The following SPPL3 variants were observed in gnomAD, a reference collection of about 807,000 sequenced individuals.
SPPL3 encodes the protein signal peptide peptidase-like 3.
In SPPL3, 5 loss-of-function variants were observed where a neutral mutation model predicts 42.4. The ratio of observed to expected loss-of-function variants is 0.12; its 90% CI spans 0.06 to 0.25. The LOEUF is 0.25. Ranked by LOEUF, SPPL3 falls within the 10% of genes least tolerant of loss-of-function variation. The pLI is 1.00. For synonymous variants in SPPL3, 195 were observed against 181.8 expected (o/e 1.07, Z -0.58); for missense variants, 235 against 489.0 (o/e 0.48, Z 4.90).
At chr12:120,788,664 C>G (rs1463305863) in intron 3 of SPPL3, among the ~76,000 whole-genome samples, 1 of 152,180 alleles carries the variant, frequency 6.6e-6, no homozygotes, top group African/African-American at 2.4e-5. Context: ...TCCTGCTCTC[C>G]TATCTCTTTA....
chr12:120,826,782 T>C lies in SPPL3; in HGVS notation c.24-15896A>G, dbSNP rs550861036. ...GTCTTGGAGTTTTCACCTAAGTTTATACCTGGAGTCCTGCTGTCCAGGACT... is the reference window on the plus strand; with the variant it reads ...GTCTTGGAGTTTTCACCTAAGTTTACACCTGGAGTCCTGCTGTCCAGGACT... On this transcript the variant is annotated intron_variant, in intron 1 of 10. Coordinates refer to ENST00000353487, the MANE Select transcript of SPPL3 (RefSeq NM_139015.5). Among the ~76,000 whole-genome samples the C allele has an allele frequency of 3.4e-3, 517 of 152,252 alleles. 3 individuals are homozygous for C. Among genetic ancestry groups the C allele is most frequent in the African/African-American group, 0.012 (499 of 41,552 alleles).
chr12:120,827,417 C>T (rs1841106756), intron 1 of SPPL3, among the ~76,000 whole-genome samples: 1 of 151,512 alleles, frequency 6.6e-6, no homozygotes, highest in South Asian at 2.1e-4. Context: ...TACTGAGTTG[C>T]TAGACTTCAT....
At position 120,862,652 on chromosome 12, in the gene SPPL3, C is replaced by T. The variant is rs117565472; in HGVS notation, c.23+41193G>A. Among the ~76,000 whole-genome samples, 16 of 152,238 alleles carry T rather than the reference C, an allele frequency of 1.1e-4. No individual in the cohort carries two copies. In the East Asian group the frequency reaches 2.7e-3, roughly 26 times the overall value. ...GGAGTATGCAAAGTTTCCATGCCTT[C>T]GGTGGGTGCACTGTCCTCCCAGCAC... On this transcript the variant is annotated intron_variant, in intron 1 of 10. Coordinates refer to ENST00000353487, the MANE Select transcript of SPPL3 (RefSeq NM_139015.5).
chr12:120,819,683 T>C (rs551162746), intron 1 of SPPL3, among the ~76,000 whole-genome samples: 20 of 152,326 alleles, frequency 1.3e-4, no homozygotes, highest in African/African-American at 4.8e-4. Context: ...TACTTTGGAA[T>C]ACAGCAGAAG....
In SPPL3 at chr12:120,866,000, A is replaced by T. The variant is rs372839448; in HGVS notation, c.23+37845T>A. ...GAGGGATCTAGGTTGTGTGCTCCTT[A>T]TGAGAATCTAATGCCCGATGATCTG... On this transcript the variant is annotated intron_variant, in intron 1 of 10. Coordinates refer to ENST00000353487, the MANE Select transcript of SPPL3 (RefSeq NM_139015.5). Among the ~76,000 whole-genome samples, 70 of 152,270 alleles carry T rather than the reference A, an allele frequency of 4.6e-4. 1 individual carries two copies. In the South Asian group the frequency reaches 0.014, roughly 30 times the overall value.
rs1051329779 is a variant in SPPL3, at chr12:120,901,632, A to C, written c.23+2213T>G. Among the ~76,000 whole-genome samples, 61 of 142,716 alleles carry C rather than the reference A, an allele frequency of 4.3e-4. 1 individual carries two copies. Among genetic ancestry groups the C allele is most frequent in the Non-Finnish European group, 1.2e-4 (8 of 65,824 alleles). The allele number at this position is 142,716 out of a possible 152,430, so 93.6% of individuals were successfully genotyped here. A position where few individuals can be genotyped will look rare whatever the true frequency, so the allele number is the denominator to read the frequency against. ...AAAAAGGAAACTGCCCACTTTCCCC[A>C]GTCTCCCCTTATATGCCACCCTCTC... On this transcript the variant is annotated intron_variant, in intron 1 of 10. Coordinates refer to ENST00000353487, the MANE Select transcript of SPPL3 (RefSeq NM_139015.5).
intron 1 of SPPL3, among the ~76,000 whole-genome samples, chr12:120,857,071 G>A (rs1872484440): frequency 6.6e-6 from 1 of 152,154 alleles, no homozygotes; most frequent in African/African-American, 2.4e-5. Context: ...AACAGAGACA[G>A]GAGAAGAAAA....
At chr12:120,793,382 G>C (rs1447237910) in intron 2 of SPPL3, among the ~76,000 whole-genome samples, 2 of 152,184 alleles carry the variant, frequency 1.3e-5, no homozygotes, top group African/African-American at 2.4e-5. Flanking sequence ...TACAGTTTCA[G>C]CTACTCGCCA....
At chr12:120,807,926 T>G (rs1870553781) in intron 2 of SPPL3, among the ~76,000 whole-genome samples, 1 of 142,346 alleles carries the variant, frequency 7.0e-6, no homozygotes, top group Non-Finnish European at 1.6e-5. Flanking sequence ...CATGATTTAC[T>G]TTTTGCAGAA....
At chr12:120,800,149 C>T (rs772351450) in intron 2 of SPPL3, among the ~76,000 whole-genome samples, 2 of 152,104 alleles carry the variant, frequency 1.3e-5, no homozygotes, top group Non-Finnish European at 2.9e-5. Context: ...GTTAATATAA[C>T]GTTATAAATA....
chr12:120,903,905 C>T lies in SPPL3; in HGVS notation c.-38G>A. ...CGTGGGCTCCGCTGCAGGCTGTGGC[C>T]GGGCCCGGCGGCGGCGGGCTCGCTC... On this transcript the variant is annotated 5_prime_UTR_variant, in exon 1 of 11. Coordinates refer to ENST00000353487, the MANE Select transcript of SPPL3 (RefSeq NM_139015.5). The T allele has an allele frequency of 3.0e-6, 4 of 1,341,980 alleles. No individual in the cohort carries two copies. The highest frequency in any genetic ancestry group is 3.1e-5 in the East Asian group (1 of 32,118). The allele number at this position is 1,341,980 out of a possible 1,614,324, so 83.1% of individuals were successfully genotyped here.
At chr12:120,871,130 C>CAACAAAAAAAA (rs1872908009) in intron 1 of SPPL3, among the ~76,000 whole-genome samples, 1 of 51,686 alleles carries the variant, frequency 1.9e-5, no homozygotes, top group East Asian at 1.0e-3. Flanking sequence ...ACTCCGTCTC[C>CAACAAAAAAAA]AAAAAAAAAA....
intron 1 of SPPL3, among the ~76,000 whole-genome samples, chr12:120,858,817 A>G (rs1312304465): frequency 1.3e-5 from 2 of 152,236 alleles, no homozygotes; most frequent in Admixed American, 6.5e-5. Flanking sequence ...AGTCTCTGAC[A>G]GCAACGCTCT....
At chr12:120,877,477 C>T (rs1873140285) in intron 1 of SPPL3, among the ~76,000 whole-genome samples, 1 of 152,140 alleles carries the variant, frequency 6.6e-6, no homozygotes, top group Non-Finnish European at 1.5e-5. Context: ...TCAAACCCTG[C>T]CATACAGAAA....
intron 8 of SPPL3, 100 bp from the exon 9 acceptor site, chr12:120,767,693 TATCTGC>T (rs1284278568): frequency 3.4e-6 from 4 of 1,168,576 alleles, no homozygotes; most frequent in Non-Finnish European, 4.9e-6. Flanking sequence ...TCAAAGAGCT[TATCTGC>T]ATGGCAGATG....
intron 1 of SPPL3, among the ~76,000 whole-genome samples, chr12:120,812,896 T>C (rs1870730293): frequency 6.6e-6 from 1 of 152,192 alleles, no homozygotes; most frequent in African/African-American, 2.4e-5. Flanking sequence ...ACACATTAAA[T>C]ACTCAATTCA....
At chr12:120,801,242 G>A (rs1340202383) in intron 2 of SPPL3, among the ~76,000 whole-genome samples, 1 of 152,184 alleles carries the variant, frequency 6.6e-6, no homozygotes, top group Non-Finnish European at 1.5e-5. Flanking sequence ...TCAGGGCTGC[G>A]ACCTGTGAGG....
intron 2 of SPPL3, among the ~76,000 whole-genome samples, chr12:120,801,039 T>G (rs1815400433): frequency 6.6e-6 from 1 of 152,214 alleles, no homozygotes; most frequent in African/African-American, 2.4e-5. Flanking sequence ...TTTCAGATGG[T>G]TTTCAGAAGG....
At chr12:120,884,796 T>G (rs1230181198) in intron 1 of SPPL3, among the ~76,000 whole-genome samples, 9 of 73,236 alleles carry the variant, frequency 1.2e-4, no homozygotes, top group Admixed American at 7.0e-4. Context: ...TTTTTTTGGG[T>G]TTTTTTTTTG....
Sources: allele counts gnomAD v4.1 joint callset (sites outside exome capture counted in the v4.1 genomes callset), GRCh38; gene constraint gnomAD v4.1.1; transcripts MANE v1.5; gene names NCBI Gene and HGNC (gene_info 2026-07-23, HGNC 2026-07-21).